Variants in UBASH3A observed in about 807,000 individuals in gnomAD.
UBASH3A encodes the protein ubiquitin associated and SH3 domain containing A.
Under a neutral mutation model 73.5 loss-of-function variants are expected in UBASH3A, and 63 were observed. The ratio of observed to expected loss-of-function variants is 0.86; its 90% CI spans 0.70 to 1.06. The LOEUF (loss-of-function observed/expected upper bound fraction) is 1.06. Among genes scored for constraint, UBASH3A ranks in the 50% least tolerant of loss-of-function variants. The probability of loss-of-function intolerance (pLI) is 0.00; values close to 1 mark genes in which losing one functional copy is unlikely to be tolerated. For synonymous variants in UBASH3A, 363 were observed against 351.1 expected, an observed-to-expected ratio of 1.03 and a Z score of -0.38; for missense variants, 860 against 859.0, an observed-to-expected ratio of 1.00 and a Z score of -0.02.
intron 1 of UBASH3A, among the ~76,000 whole-genome samples, chr21:42,405,785 G>A (rs11702053): frequency 2.6e-5 from 4 of 152,154 alleles, no homozygotes; most frequent in African/African-American, 9.7e-5. Flanking sequence ...TCTTGGTCTA[G>A]CAGGGGAGAG....
intron 1 of UBASH3A, among the ~76,000 whole-genome samples, chr21:42,404,482 G>T (rs529023318): frequency 1.3e-5 from 2 of 152,174 alleles, no homozygotes; most frequent in African/African-American, 4.8e-5. Flanking sequence ...ACCTTTTAAA[G>T]ACCAGCTCGG....
chr21:42,432,926 A>G (rs1211599070), intron 9 of UBASH3A, among the ~76,000 whole-genome samples: 2 of 152,248 alleles, frequency 1.3e-5, no homozygotes, highest in African/African-American at 4.8e-5. Context: ...CAACAATAAG[A>G]CAATAGGTGG....
chr21:42,410,934 T>G (rs1268419491), intron 3 of UBASH3A, among the ~76,000 whole-genome samples: 1 of 137,918 alleles, frequency 7.3e-6, no homozygotes, highest in Non-Finnish European at 1.6e-5. Context: ...CACACACAGA[T>G]AGACACAGAG....
intron 14 of UBASH3A, among the ~76,000 whole-genome samples, chr21:42,446,711 G>A (rs751257598): frequency 2.0e-5 from 3 of 152,180 alleles, no homozygotes; most frequent in Non-Finnish European, 4.4e-5. Context: ...GTGGTGGATG[G>A]CAATCTCCAC....
chr21:42,432,498 G>A (rs913719606), intron 9 of UBASH3A, among the ~76,000 whole-genome samples: 1 of 141,982 alleles, frequency 7.0e-6, no homozygotes, highest in Non-Finnish European at 1.5e-5. Flanking sequence ...GCACACCCCA[G>A]CTTTTCTCCT....
chr21:42,445,087 G>T (rs1031205787), intron 14 of UBASH3A, among the ~76,000 whole-genome samples: 1 of 152,224 alleles, frequency 6.6e-6, no homozygotes, highest in Non-Finnish European at 1.5e-5. Context: ...AGCTTGAGCT[G>T]GTTGTAGCTG....
At chr21:42,418,341 C>A in intron 6 of UBASH3A, 60 bp from the exon 7 acceptor site, 1 of 1,513,654 alleles carries the variant, frequency 6.6e-7, no homozygotes, top group Non-Finnish European at 9.1e-7. Context: ...CCTCCTATTG[C>A]TGCCATTTTC....
chr21:42,440,993 G>C (rs1048357410), intron 11 of UBASH3A, among the ~76,000 whole-genome samples: 3 of 152,082 alleles, frequency 2.0e-5, no homozygotes, highest in Non-Finnish European at 4.4e-5. Context: ...TTTCAAAAAT[G>C]TCTTTTGCCA....
In UBASH3A at chr21:42,426,690, C is replaced by T; in HGVS notation, c.1047-7C>T. 2 of 1,613,312 alleles carry T rather than the reference C, an allele frequency of 1.2e-6. No homozygotes were observed. The highest frequency in any genetic ancestry group is 8.5e-7 in the Non-Finnish European group (1 of 1,179,580). On this transcript the variant is annotated splice_polypyrimidine_tract_variant and splice_region_variant and intron_variant, in intron 7 of 14. Transcript: ENST00000319294. ...TCTGTTCAAGCCGTGCTTTCCTTCC[C>T]CTGCAGGATGTACACCTTCAGTCTA...
At chr21:42,418,125 AC>A (rs1183985593) in intron 6 of UBASH3A, among the ~76,000 whole-genome samples, 2 of 151,802 alleles carry the variant, frequency 1.3e-5, no homozygotes, top group African/African-American at 4.8e-5. Context: ...CTTGTGATCC[AC>A]CCACCTCGGC....
chr21:42,433,046 TGGGGAGAACCAATACA>T (rs1271500399), intron 9 of UBASH3A, among the ~76,000 whole-genome samples: 2 of 152,192 alleles, frequency 1.3e-5, no homozygotes, highest in Non-Finnish European at 2.9e-5. Context: ...TTGTCCATGG[TGGGGAGAACCAATACA>T]AAACAATCAA....
intron 10 of UBASH3A, among the ~76,000 whole-genome samples, chr21:42,436,592 T>A (rs995469605): frequency 1.3e-5 from 2 of 152,210 alleles, no homozygotes; most frequent in African/African-American, 4.8e-5. Context: ...GTAAAAATCC[T>A]GTTTCCAAAT....
At chr21:42,428,985 G>A (rs189212902) in intron 8 of UBASH3A, among the ~76,000 whole-genome samples, 102 of 152,302 alleles carry the variant, frequency 6.7e-4, no homozygotes, top group African/African-American at 2.2e-3. Flanking sequence ...GGATTGAGTG[G>A]AGGGTCTTGA....
At position 42,437,988 on chromosome 21, in the gene UBASH3A, C is replaced by G. The variant is rs557553947; in HGVS notation, c.1486+408C>G. Among the ~76,000 whole-genome samples the G allele has an allele frequency of 3.7e-3, 557 of 152,330 alleles. 1 individual carries two copies. The highest frequency in any genetic ancestry group is 0.01 in the Middle Eastern group (3 of 294). ...GCACTGGGCCAGTGGAGCTGTCCAG[C>G]GTCCTCAAGGGCTGATGTGTGTCAG... On this transcript the variant is annotated intron_variant, in intron 11 of 14. Transcript: ENST00000319294.
At chr21:42,409,694 C>T (rs1407575893) in intron 3 of UBASH3A, 86 bp downstream of exon 3, 3 of 1,279,156 alleles carry the variant, frequency 2.3e-6, no homozygotes, top group Non-Finnish European at 3.3e-6. Context: ...ACAAAGTTGA[C>T]TTATTTAAAT....
rs2053755415 is a variant in UBASH3A at position 42,442,060 on chromosome 21, T to C, written c.1487-392T>C. Among the ~76,000 whole-genome samples, 4 of 152,208 alleles carry C rather than the reference T, an allele frequency of 2.6e-5. No individual in the cohort carries two copies. The South Asian group carries it at 8.3e-4, about 32-fold the overall frequency. Reference sequence around the variant, plus strand: ...TGAGGCCAACATTCTTCATGATGGGTCACATCTTGTCCATTGATCATTGGA... The same window carrying C: ...TGAGGCCAACATTCTTCATGATGGGCCACATCTTGTCCATTGATCATTGGA... On this transcript the variant is annotated intron_variant, in intron 11 of 14. Coordinates refer to ENST00000319294, the MANE Select transcript of UBASH3A (RefSeq NM_018961.4).
Position 42,413,476 on chromosome 21 carries a change from G to C in UBASH3A, c.620G>C (p.Ser207Thr), listed in dbSNP as rs759611163. The stretch of plus-strand genomic sequence containing the variant: ...GGACATGGCCCTAACCTGAGGCTGA[G>C]CAATTTAACTAGAGCCTCCTTCGTG... ...VPGHGPNLRL[S>T]NLTRASFVSH... Residue 207 changes from serine to threonine, a missense_variant, in exon 5 of 15, where the codon AGC (serine) becomes ACC (threonine). By Grantham distance (58) the Ser-to-Thr change is moderately conservative (BLOSUM62 1). Coordinates refer to ENST00000319294, the MANE Select transcript of UBASH3A (RefSeq NM_018961.4). This position sits in a 1 kb window ranked among gnomAD's most constrained non-coding sequence, Gnocchi z 4.5. 8 of 1,614,046 alleles carry C rather than the reference G, an allele frequency of 5.0e-6. No individual in the cohort carries two copies. The African/African-American group carries it at 1.1e-4, about 22-fold the overall frequency.
chr21:42,443,815 C>G (rs2053796263), intron 13 of UBASH3A, among the ~76,000 whole-genome samples: 1 of 152,186 alleles, frequency 6.6e-6, no homozygotes, highest in Non-Finnish European at 1.5e-5. Flanking sequence ...ACACACTCCC[C>G]TGCCGCCCAG....
At chr21:42,446,959 C>A in intron 14 of UBASH3A, 98 bp from the exon 15 acceptor site, 1 of 1,419,638 alleles carries the variant, frequency 7.0e-7, no homozygotes, top group Non-Finnish European at 9.6e-7. Flanking sequence ...CGCAGACCCT[C>A]CAAAGTAGAG....
Sources: gnomAD v4.1 joint callset for allele counts (sites outside exome capture counted in the v4.1 genomes callset) on GRCh38, gnomAD v4.1.1 for gene constraint, Gnocchi (gnomAD v3.1) non-coding constraint, MANE v1.5 for transcripts, NCBI Gene and HGNC (gene_info 2026-07-23, HGNC 2026-07-21) for gene names.